PTPRT: variants seen among roughly 807,000 people sequenced by gnomAD.
PTPRT encodes the protein protein tyrosine phosphatase receptor type T, also known as receptor-type tyrosine-protein phosphatase T.
A neutral mutation model predicts 176.8 loss-of-function variants in PTPRT; 56 were observed. That is an observed-to-expected ratio of 0.32 (90% CI 0.26 to 0.40). The LOEUF is 0.40. Ranked by LOEUF, PTPRT falls within the 10% of genes least tolerant of loss-of-function variation. The pLI, the probability that PTPRT is intolerant of heterozygous loss-of-function variation, is 1.00. For missense variants in PTPRT, 1,540 were observed against 1,908.2 expected (o/e 0.81, Z 3.60); for synonymous variants, 783 against 739.0 (o/e 1.06, Z -0.96).
At chr20:42,477,826 T>C (rs530055516) in intron 7 of PTPRT, among the ~76,000 whole-genome samples, 1 of 152,302 alleles carries the variant, frequency 6.6e-6, no homozygotes, top group Non-Finnish European at 1.5e-5. Flanking sequence ...GCTCTACCTC[T>C]GGATGCACCT....
chr20:42,952,424 G>C (rs1162981025), intron 1 of PTPRT, among the ~76,000 whole-genome samples: 1 of 152,330 alleles, frequency 6.6e-6, no homozygotes, highest in Middle Eastern at 3.4e-3. Flanking sequence ...AAGCAAAACA[G>C]TGCAGGAACA....
At chr20:42,451,976 G>T (rs6030252) in intron 8 of PTPRT, among the ~76,000 whole-genome samples, 1 of 152,010 alleles carries the variant, frequency 6.6e-6, no homozygotes, top group Admixed American at 6.5e-5. Flanking sequence ...CTAAGAAAAA[G>T]ATTCAAAATA....
At chr20:43,046,194 G>C (rs145529615) in intron 1 of PTPRT, among the ~76,000 whole-genome samples, 1 of 152,092 alleles carries the variant, frequency 6.6e-6, no homozygotes, top group Admixed American at 6.5e-5. Context: ...CAACGAAGGC[G>C]GCCAGCAGTG....
At chr20:42,717,071 G>C (rs1307929469) in intron 6 of PTPRT, among the ~76,000 whole-genome samples, 1 of 151,870 alleles carries the variant, frequency 6.6e-6, no homozygotes, top group Non-Finnish European at 1.5e-5. Context: ...AGCATTAGGA[G>C]ATATACCTAA....
intron 15 of PTPRT, among the ~76,000 whole-genome samples, chr20:42,233,553 C>T (rs1488747491): frequency 6.6e-6 from 1 of 152,176 alleles, no homozygotes; most frequent in Admixed American, 6.5e-5. Flanking sequence ...ATTCTCCCCT[C>T]CTGTATAAAT....
chr20:42,943,458 C>T (rs750303284), intron 1 of PTPRT, among the ~76,000 whole-genome samples: 9 of 152,186 alleles, frequency 5.9e-5, no homozygotes, highest in Non-Finnish European at 8.8e-5. Flanking sequence ...GAGCTGTCCA[C>T]TGAAGACTAA....
rs999235542 is a variant in PTPRT, at chr20:42,646,645, G to A, written c.1153+31221C>T. On this transcript the variant is annotated intron_variant, in intron 7 of 30. Coordinates refer to ENST00000373187, the MANE Select transcript of PTPRT (RefSeq NM_007050.6). ...TACTCAGTAGCCATGAGTCGCTGGT[G>A]ACTCTCCTATCAGCCCAGATACAGA... 4.6e-5 allele frequency among the ~76,000 whole-genome samples: 7 copies of A among 152,202 alleles called. 1 individual carries two copies. In the East Asian group the frequency reaches 1.2e-3, roughly 25 times the overall value.
chr20:42,611,083 T>G (rs1429380433), intron 7 of PTPRT, among the ~76,000 whole-genome samples: 2 of 152,218 alleles, frequency 1.3e-5, no homozygotes, highest in African/African-American at 4.8e-5. Context: ...GATGGGCATG[T>G]GGGCGGTTTC....
chr20:42,782,076 A>G (rs898003594), intron 3 of PTPRT, among the ~76,000 whole-genome samples: 24 of 152,354 alleles, frequency 1.6e-4, no homozygotes, highest in African/African-American at 5.8e-4. Context: ...TAGAATTATT[A>G]TCACAACTTG....
intron 1 of PTPRT, among the ~76,000 whole-genome samples, chr20:42,913,696 A>C (rs1474647481): frequency 6.6e-6 from 1 of 152,224 alleles, no homozygotes; most frequent in African/African-American, 2.4e-5. Flanking sequence ...ACTTAGTCTT[A>C]ATAGCAAATT....
At chr20:42,129,870 G>C (rs1277832325) in intron 18 of PTPRT, among the ~76,000 whole-genome samples, 3 of 152,198 alleles carry the variant, frequency 2.0e-5, no homozygotes, top group Non-Finnish European at 4.4e-5. Flanking sequence ...CTTATTCCCT[G>C]TTCCATCCCC....
At chr20:42,730,185 T>C (rs968882857) in intron 6 of PTPRT, among the ~76,000 whole-genome samples, 2 of 152,236 alleles carry the variant, frequency 1.3e-5, no homozygotes, top group Non-Finnish European at 1.5e-5. Flanking sequence ...AACCTTATTC[T>C]GGTCTGACTG....
intron 1 of PTPRT, among the ~76,000 whole-genome samples, chr20:43,020,642 G>A (rs769890193): frequency 2.0e-5 from 3 of 152,084 alleles, no homozygotes; most frequent in African/African-American, 7.2e-5. Flanking sequence ...CAGTGAGAGC[G>A]GCCTGCCCTA....
chr20:43,171,094 G>A (rs1180928856), intron 1 of PTPRT, among the ~76,000 whole-genome samples: 2 of 152,156 alleles, frequency 1.3e-5, no homozygotes, highest in African/African-American at 4.8e-5. Flanking sequence ...GATAATGTGT[G>A]ACATATGTGC....
chr20:42,219,973 C>A (rs917934767), intron 15 of PTPRT, among the ~76,000 whole-genome samples: 7 of 151,964 alleles, frequency 4.6e-5, no homozygotes, highest in Non-Finnish European at 8.8e-5. Flanking sequence ...ATGCAGTAGC[C>A]TTTTTTGAGT....
intron 1 of PTPRT, among the ~76,000 whole-genome samples, chr20:42,975,801 A>C (rs550684563): frequency 3.0e-4 from 45 of 152,106 alleles, no homozygotes; most frequent in Admixed American, 5.2e-4. Context: ...CATTAAAACC[A>C]CCATGGCACA....
chr20:43,092,309 C>A (rs927774268), intron 1 of PTPRT, among the ~76,000 whole-genome samples: 1 of 152,184 alleles, frequency 6.6e-6, no homozygotes, highest in Non-Finnish European at 1.5e-5. Flanking sequence ...CCCCATTGAC[C>A]AAGGGCTGCC....
At chr20:43,141,425 G>A (rs2013999953) in intron 1 of PTPRT, among the ~76,000 whole-genome samples, 1 of 152,190 alleles carries the variant, frequency 6.6e-6, no homozygotes, top group Non-Finnish European at 1.5e-5. Flanking sequence ...GGCCATGTAT[G>A]TCAACATCCA....
At position 42,507,853 on chromosome 20, in the gene PTPRT, C is replaced by CT. The variant is rs5841463; in HGVS notation, c.1154-35292dup. On this transcript the variant is annotated intron_variant, in intron 7 of 30. Transcript: ENST00000373187. The stretch of plus-strand genomic sequence containing the variant: ...AGGTAGAATTTCATTACTCACAGGA[C>CT]TTTTTTTTTTTTTTTCAGCACAAAA... Among the ~76,000 whole-genome samples, 956 of 139,052 alleles carry CT rather than the reference C, an allele frequency of 6.9e-3. 3 individuals are homozygous for CT. The highest frequency in any genetic ancestry group is 0.032 in the Middle Eastern group (9 of 278). 91.2% of individuals were successfully genotyped at this position (139,052 alleles called of 152,430 possible). A position where few individuals can be genotyped will look rare whatever the true frequency, so the allele number is the denominator to read the frequency against.
Sources: allele counts gnomAD v4.1 joint callset (sites outside exome capture counted in the v4.1 genomes callset), GRCh38; gene constraint gnomAD v4.1.1; transcripts MANE v1.5; gene names NCBI Gene and HGNC (gene_info 2026-07-23, HGNC 2026-07-21).